NREP: variants seen among roughly 807,000 people sequenced by gnomAD.
NREP encodes neuronal regeneration-related protein.
In NREP, 5 loss-of-function variants were observed where a neutral mutation model predicts 8.6. The observed-to-expected ratio is 0.58, with a 90% CI of 0.30 to 1.22. NREP has a LOEUF of 1.22. Among genes scored for constraint, NREP ranks in the 50% most tolerant of loss-of-function variants. NREP has a pLI of 0.07. For missense variants in NREP, 86 were observed against 82.5 expected (o/e 1.04, Z -0.17); for synonymous variants, 27 against 28.0 (o/e 0.96, Z 0.11).
At chr5:111,841,601 A>T (rs1244041192) in intron 2 of NREP, among the ~76,000 whole-genome samples, 1 of 152,094 alleles carries the variant, frequency 6.6e-6, no homozygotes, top group African/African-American at 2.4e-5. Context: ...TAATTTTTTT[A>T]AAAAGCCTTA....
At chr5:111,879,889 A>G (rs960509674) in intron 2 of NREP, among the ~76,000 whole-genome samples, 1 of 152,172 alleles carries the variant, frequency 6.6e-6, no homozygotes, top group Non-Finnish European at 1.5e-5. Flanking sequence ...AAGGGAACCA[A>G]TCTTTTCATG....
intron 2 of NREP, among the ~76,000 whole-genome samples, chr5:111,863,031 T>C (rs1358997992): frequency 6.6e-6 from 1 of 151,484 alleles, no homozygotes; most frequent in Non-Finnish European, 1.5e-5. Flanking sequence ...AATGGTATGA[T>C]CTGATTTGCA....
Position 111,799,844 on chromosome 5 carries a change from A to G in NREP, c.136-64337T>C, listed in dbSNP as rs75085170. 1.9e-4 allele frequency among the ~76,000 whole-genome samples: 29 copies of G among 152,336 alleles called. No individual in the cohort carries two copies. The East Asian group carries it at 4.8e-3, about 25-fold the overall frequency. On this transcript the variant is annotated intron_variant, in intron 2 of 3. Coordinates refer to the NREP transcript ENST00000395634. ...CCACTTGTCTGGAGTAAAGGTAGAT[A>G]TGAAATACAGTGAAAGAATGTTGCC...
chr5:111,862,295 G>C (rs988012434), intron 2 of NREP, among the ~76,000 whole-genome samples: 1 of 152,292 alleles, frequency 6.6e-6, no homozygotes, highest in South Asian at 2.1e-4. Flanking sequence ...TGCTGGTGCA[G>C]AAAACAGACT....
chr5:111,905,133 T>A (rs1754748731), intron 2 of NREP, among the ~76,000 whole-genome samples: 1 of 152,118 alleles, frequency 6.6e-6, no homozygotes, highest in Non-Finnish European at 1.5e-5. Context: ...ATGCCTTTTG[T>A]CAGATGATTT....
intron 2 of NREP, among the ~76,000 whole-genome samples, chr5:111,814,988 AG>A (rs1361473755): frequency 6.6e-6 from 1 of 151,884 alleles, no homozygotes; most frequent in African/African-American, 2.4e-5. Flanking sequence ...GGAATACCAA[AG>A]GAACTGGTGT....
intron 2 of NREP, among the ~76,000 whole-genome samples, chr5:111,960,371 T>C (rs1047005347): frequency 3.3e-5 from 5 of 152,146 alleles, no homozygotes; most frequent in African/African-American, 1.2e-4. Flanking sequence ...TTTAACATAT[T>C]TAATGGATTA....
At chr5:111,958,840 G>C (rs1027193072) in intron 2 of NREP, among the ~76,000 whole-genome samples, 1 of 151,682 alleles carries the variant, frequency 6.6e-6, no homozygotes, top group African/African-American at 2.4e-5. Flanking sequence ...ATTTTTTTAA[G>C]GATAACATTA....
At chr5:111,921,256 C>T (rs970967817) in intron 2 of NREP, among the ~76,000 whole-genome samples, 1 of 152,008 alleles carries the variant, frequency 6.6e-6, no homozygotes, top group African/African-American at 2.4e-5. Context: ...TGGAGATGGT[C>T]GTTGAGTGGG....
intron 2 of NREP, among the ~76,000 whole-genome samples, chr5:111,935,930 G>T (rs1755669105): frequency 6.6e-6 from 1 of 152,012 alleles, no homozygotes; most frequent in South Asian, 2.1e-4. Flanking sequence ...CAAAACTGAG[G>T]TGTTAACAGG....
intron 2 of NREP, among the ~76,000 whole-genome samples, chr5:111,770,889 C>G (rs920002040): frequency 6.6e-6 from 1 of 151,970 alleles, no homozygotes; most frequent in Admixed American, 6.6e-5. Flanking sequence ...TTTCTAATTT[C>G]CTCTTCAGCA....
At chr5:111,900,654 A>C (rs542427801) in intron 2 of NREP, among the ~76,000 whole-genome samples, 14 of 152,216 alleles carry the variant, frequency 9.2e-5, no homozygotes, top group African/African-American at 3.1e-4. Context: ...CAAACTGAAA[A>C]ACCTAGAGAA....
At chr5:111,763,558 G>C (rs543469776) in intron 2 of NREP, among the ~76,000 whole-genome samples, 1 of 152,274 alleles carries the variant, frequency 6.6e-6, no homozygotes, top group East Asian at 1.9e-4. Context: ...ATAAACGAAA[G>C]GAATGTCTCA....
intron 2 of NREP, among the ~76,000 whole-genome samples, chr5:111,875,713 A>C (rs373749030): frequency 1.1e-4 from 17 of 152,196 alleles, no homozygotes; most frequent in African/African-American, 3.9e-4. Flanking sequence ...TTACTAGTGG[A>C]AGTAATTTTA....
chr5:111,975,457 G>A (rs1581266517), intron 1 of NREP: 1 of 940,350 alleles, frequency 1.1e-6, no homozygotes, highest in Non-Finnish European at 1.7e-6. Context: ...GCAATTCAGA[G>A]AGGAGGAGAA....
At chr5:111,951,336 T>C (rs1756154367) in intron 2 of NREP, among the ~76,000 whole-genome samples, 8 of 152,064 alleles carry the variant, frequency 5.3e-5, no homozygotes, top group Admixed American at 4.6e-4. Flanking sequence ...CATTCTTATA[T>C]ATTTCTATTT....
chr5:111,778,047 C>A (rs1173569633), intron 2 of NREP, among the ~76,000 whole-genome samples: 1 of 152,054 alleles, frequency 6.6e-6, no homozygotes, highest in African/African-American at 2.4e-5. Context: ...CTAAAGAAAG[C>A]CCAAGAAACT....
At chr5:111,794,126 C>T (rs1282547596) in intron 2 of NREP, among the ~76,000 whole-genome samples, 1 of 152,160 alleles carries the variant, frequency 6.6e-6, no homozygotes, top group African/African-American at 2.4e-5. Flanking sequence ...TGAGATACAA[C>T]TAAACATCTG....
At chr5:111,834,533 T>A (rs180777072) in intron 2 of NREP, among the ~76,000 whole-genome samples, 155 of 152,304 alleles carry the variant, frequency 1.0e-3, no homozygotes, top group Middle Eastern at 3.4e-3. Flanking sequence ...CCAAACAAAC[T>A]ATTTTACACT....
Sources: gnomAD v4.1 joint callset for allele counts (sites outside exome capture counted in the v4.1 genomes callset) on GRCh38, gnomAD v4.1.1 for gene constraint, MANE v1.5 for transcripts, NCBI Gene and HGNC (gene_info 2026-07-23, HGNC 2026-07-21) for gene names.